ERBB4: variants seen among roughly 807,000 people sequenced by gnomAD.
The protein encoded by ERBB4 is receptor tyrosine-protein kinase erbB-4.
Under a neutral mutation model 158.0 loss-of-function variants are expected in ERBB4, and 42 were observed. The observed-to-expected ratio is 0.27, with a 90% CI of 0.21 to 0.34. ERBB4 has a LOEUF of 0.34. Ranked by LOEUF, ERBB4 falls within the 10% of genes least tolerant of loss-of-function variation. The pLI, the probability that ERBB4 is intolerant of heterozygous loss-of-function variation, is 1.00. For missense variants in ERBB4, 1,333 were observed against 1,624.1 expected (o/e 0.82, Z 3.08); for synonymous variants, 583 against 558.7 (o/e 1.04, Z -0.61).
intron 1 of ERBB4, among the ~76,000 whole-genome samples, chr2:212,311,416 C>T (rs2087039196): frequency 6.6e-6 from 1 of 150,760 alleles, no homozygotes; most frequent in South Asian, 2.1e-4. Flanking sequence ...CACACCCATC[C>T]TGAGTTTTAA....
intron 1 of ERBB4, among the ~76,000 whole-genome samples, chr2:212,256,104 G>A (rs2084729929): frequency 1.3e-5 from 2 of 151,894 alleles, no homozygotes; most frequent in South Asian, 4.1e-4. Context: ...AAAGTGCTGG[G>A]ATTACAGGTA....
intron 1 of ERBB4, among the ~76,000 whole-genome samples, chr2:212,297,642 AAAT>A (rs148696962): frequency 0.079 from 11,957 of 151,868 alleles, 688 homozygotes; most frequent in African/African-American, 0.16. Flanking sequence ...GGCTACTAAA[AAAT>A]AAACTTTTAC....
intron 20 of ERBB4, among the ~76,000 whole-genome samples, chr2:211,483,392 T>G (rs1331459114): frequency 1.3e-5 from 2 of 152,144 alleles, no homozygotes; most frequent in African/African-American, 2.4e-5. Context: ...AATTAAACTA[T>G]TCCAACATCA....
chr2:211,839,234 GAGAAA>G (rs949627663), intron 3 of ERBB4, among the ~76,000 whole-genome samples: 50 of 149,838 alleles, frequency 3.3e-4, no homozygotes, highest in African/African-American at 1.1e-3. Context: ...AGAGAAAGAA[GAGAAA>G]AGAAAAGAAA....
chr2:211,511,421 A>C (rs182813831), intron 20 of ERBB4, among the ~76,000 whole-genome samples: 2 of 152,198 alleles, frequency 1.3e-5, no homozygotes, highest in East Asian at 3.9e-4. Context: ...CAAAAGCAAC[A>C]CTGATATTCT....
intron 3 of ERBB4, among the ~76,000 whole-genome samples, chr2:211,855,762 A>C (rs913775073): frequency 2.0e-5 from 3 of 152,134 alleles, no homozygotes; most frequent in Non-Finnish European, 4.4e-5. Flanking sequence ...TTTCTTCAAG[A>C]ATATTCTGTT....
intron 1 of ERBB4, among the ~76,000 whole-genome samples, chr2:212,158,928 G>A (rs2081121075): frequency 6.6e-6 from 1 of 151,924 alleles, no homozygotes; most frequent in Non-Finnish European, 1.5e-5. Flanking sequence ...TATTAATGTA[G>A]GGGAAAACTA....
rs984785331 is a variant in ERBB4, at chr2:211,884,404, A to G, written c.421+63026T>C. ...CCTGAAACCCTGACTATGAAAATGT[A>G]CCACGGAAACGGCAGAAAAGTAATG... is the stretch of plus-strand genomic sequence containing the variant. On this transcript the variant is annotated intron_variant, in intron 3 of 27. Transcript: ENST00000342788. Among the ~76,000 whole-genome samples, 12 of 152,280 alleles carry G rather than the reference A, an allele frequency of 7.9e-5. No homozygotes were observed. The East Asian group carries it at 9.6e-4, about 12-fold the overall frequency.
intron 1 of ERBB4, among the ~76,000 whole-genome samples, chr2:212,384,890 A>AATATATATATATATATATATATAT (rs67216333): frequency 1.6e-5 from 2 of 123,184 alleles, no homozygotes; most frequent in Admixed American, 8.5e-5. Flanking sequence ...ATGTTTGTGG[A>AATATATATATATATATATATATAT]ATATATATAT....
chr2:212,417,110 CT>C (rs1161850740), intron 1 of ERBB4, among the ~76,000 whole-genome samples: 1 of 151,968 alleles, frequency 6.6e-6, no homozygotes, highest in Non-Finnish European at 1.5e-5. Context: ...TTTTATCTTC[CT>C]AAGTTTTGAA....
At position 211,377,352 on chromosome 2, in the gene ERBB4, C is replaced by T. The variant is rs546354494; in HGVS notation, c.*6263G>A. The stretch of plus-strand genomic sequence containing the variant: ...GGCAAAGTGGTTTGGACAAGTTAGA[C>T]TATTGCCTACAGGTATGAATCTTTG... On this transcript the variant is annotated 3_prime_UTR_variant, in exon 28 of 28. Coordinates refer to ENST00000342788, the MANE Select transcript of ERBB4 (RefSeq NM_005235.3). 19 of 232,898 alleles carry T rather than the reference C, an allele frequency of 8.2e-5. No homozygotes were observed. The highest frequency in any genetic ancestry group is 1.4e-4 in the Non-Finnish European group (16 of 117,552). The allele number at this position is 232,898 out of a possible 1,614,324, so 14.4% of individuals were successfully genotyped here.
At chr2:211,741,948 G>T (rs2074815299) in intron 5 of ERBB4, among the ~76,000 whole-genome samples, 1 of 152,154 alleles carries the variant, frequency 6.6e-6, no homozygotes, top group African/African-American at 2.4e-5. Flanking sequence ...GAAATGGTCA[G>T]TGTAATCAAG....
chr2:212,209,073 T>TA (rs1169872640), intron 1 of ERBB4, among the ~76,000 whole-genome samples: 1 of 152,136 alleles, frequency 6.6e-6, no homozygotes, highest in African/African-American at 2.4e-5. Context: ...TCAACTTTGA[T>TA]AGCATCTGTG....
chr2:212,458,842 G>A (rs1250576864), intron 1 of ERBB4, among the ~76,000 whole-genome samples: 3 of 152,046 alleles, frequency 2.0e-5, no homozygotes, highest in African/African-American at 7.2e-5. Context: ...TATTTGGGTC[G>A]GAAAAGAAGA....
intron 19 of ERBB4, among the ~76,000 whole-genome samples, chr2:211,574,071 A>T (rs1170755679): frequency 6.6e-6 from 1 of 152,216 alleles, no homozygotes; most frequent in African/African-American, 2.4e-5. Context: ...AGCTATTATT[A>T]TTTTTATTAA....
rs377122046 is a variant in ERBB4, at chr2:211,683,999, T to C, written c.1490-4815A>G. Among the ~76,000 whole-genome samples, 9 of 152,318 alleles carry C rather than the reference T, an allele frequency of 5.9e-5. No homozygotes were observed. In the East Asian group the frequency reaches 1.5e-3, roughly 26 times the overall value. On this transcript the variant is annotated intron_variant, in intron 12 of 27. Coordinates refer to ENST00000342788, the MANE Select transcript of ERBB4 (RefSeq NM_005235.3). ...TTCATTTATATACTCTCCAGAGAAA[T>C]GTTTCTTCGTATTTTTGACCACTGT...
intron 3 of ERBB4, among the ~76,000 whole-genome samples, chr2:211,905,672 A>G: frequency 7.8e-6 from 1 of 127,564 alleles, no homozygotes; most frequent in Non-Finnish European, 1.6e-5. Flanking sequence ...ATATATATAT[A>G]TATATATATA....
chr2:211,520,638 A>G (rs1269107810), intron 20 of ERBB4, among the ~76,000 whole-genome samples: 1 of 152,138 alleles, frequency 6.6e-6, no homozygotes, highest in Non-Finnish European at 1.5e-5. Context: ...GAAAAACAGA[A>G]AGTAATAAGA....
At chr2:211,817,246 A>G (rs965788824) in intron 3 of ERBB4, among the ~76,000 whole-genome samples, 4 of 152,180 alleles carry the variant, frequency 2.6e-5, no homozygotes, top group African/African-American at 9.7e-5. Flanking sequence ...TTGAATTAAT[A>G]CTGAAATTTT....
Sources: allele counts gnomAD v4.1 joint callset (sites outside exome capture counted in the v4.1 genomes callset), GRCh38; gene constraint gnomAD v4.1.1; transcripts MANE v1.5; gene names NCBI Gene and HGNC (gene_info 2026-07-23, HGNC 2026-07-21).